The following MAPK9 variants were observed in gnomAD, a reference collection of about 807,000 sequenced individuals.
The protein encoded by MAPK9 is mitogen-activated protein kinase 9.
Under a neutral mutation model 57.1 loss-of-function variants are expected in MAPK9, and 30 were observed. The ratio of observed to expected loss-of-function variants is 0.53; its 90% CI spans 0.39 to 0.71. The LOEUF (loss-of-function observed/expected upper bound fraction) is 0.71. MAPK9 is among the 30% of genes least tolerant of loss of function. The pLI is 0.00. For synonymous variants in MAPK9, 155 were observed against 177.0 expected (o/e 0.88, Z 0.99); for missense variants, 362 against 521.0 (o/e 0.69, Z 2.97).
chr5:180,255,493 G>C (rs6874413), intron 5 of MAPK9, among the ~76,000 whole-genome samples: 55,510 of 151,834 alleles, frequency 0.37, 10,455 homozygotes, highest in Non-Finnish European at 0.41. Flanking sequence ...CATGTGCTGA[G>C]AGAAAATTCA....
intron 1 of MAPK9, among the ~76,000 whole-genome samples, chr5:180,283,674 AC>A (rs1353944841): frequency 6.6e-6 from 1 of 152,252 alleles, no homozygotes; most frequent in Non-Finnish European, 1.5e-5. Flanking sequence ...GGTGGCTCAC[AC>A]CTGTAATCCC....
intron 1 of MAPK9, among the ~76,000 whole-genome samples, chr5:180,287,427 A>G (rs1312178517): frequency 6.6e-6 from 1 of 152,236 alleles, no homozygotes; most frequent in African/African-American, 2.4e-5. Flanking sequence ...AAGAAAAAAG[A>G]GAGATTTGTT....
chr5:180,290,243 T>C (rs912644078), intron 1 of MAPK9, among the ~76,000 whole-genome samples: 3 of 152,196 alleles, frequency 2.0e-5, no homozygotes, highest in African/African-American at 7.2e-5. Flanking sequence ...CACCTGGCCC[T>C]CCAGACTGAT....
chr5:180,279,270 T>C (rs1248875782), intron 2 of MAPK9, among the ~76,000 whole-genome samples: 1 of 152,198 alleles, frequency 6.6e-6, no homozygotes, highest in Non-Finnish European at 1.5e-5. Context: ...TTAACACTTC[T>C]TCTGGCACAC....
intron 1 of MAPK9, among the ~76,000 whole-genome samples, chr5:180,282,376 A>G (rs1378115825): frequency 6.6e-6 from 1 of 152,200 alleles, no homozygotes; most frequent in Non-Finnish European, 1.5e-5. Context: ...AACAACATGT[A>G]CTTCACTATT....
intron 1 of MAPK9, among the ~76,000 whole-genome samples, chr5:180,291,387 T>A (rs1004698475): frequency 6.6e-6 from 1 of 152,144 alleles, no homozygotes. Flanking sequence ...CTTCCACAGA[T>A]GCACACCGGG....
intron 5 of MAPK9, among the ~76,000 whole-genome samples, chr5:180,254,450 AT>A (rs1370809865): frequency 6.6e-6 from 1 of 152,226 alleles, no homozygotes; most frequent in Non-Finnish European, 1.5e-5. Flanking sequence ...CAAGAACAGA[AT>A]GCTGTAAAAA....
At chr5:180,263,646 C>T (rs1430443466) in intron 4 of MAPK9, among the ~76,000 whole-genome samples, 1 of 151,892 alleles carries the variant, frequency 6.6e-6, no homozygotes, top group Non-Finnish European at 1.5e-5. Context: ...CTGTCCTGAG[C>T]GCTGTCTGTT....
chr5:180,267,524 T>C (rs915967062), intron 3 of MAPK9, among the ~76,000 whole-genome samples: 29 of 136,680 alleles, frequency 2.1e-4, no homozygotes, highest in South Asian at 1.8e-3. Flanking sequence ...ATCGCGCCAC[T>C]GCCCTCCAGG....
At chr5:180,243,785 C>T (rs1275211452) in intron 7 of MAPK9, among the ~76,000 whole-genome samples, 1 of 152,158 alleles carries the variant, frequency 6.6e-6, no homozygotes, top group African/African-American at 2.4e-5. Flanking sequence ...AGAATTATGC[C>T]CACATTTTAT....
chr5:180,244,617 T>C (rs1259455188), intron 7 of MAPK9, among the ~76,000 whole-genome samples: 1 of 151,452 alleles, frequency 6.6e-6, no homozygotes, highest in Non-Finnish European at 1.5e-5. Flanking sequence ...CTACTAAAAA[T>C]ACAAAAATTA....
chr5:180,259,841 C>T (rs527934875), intron 5 of MAPK9, among the ~76,000 whole-genome samples: 2 of 152,282 alleles, frequency 1.3e-5, no homozygotes, highest in African/African-American at 4.8e-5. Context: ...TGTGGCAAAG[C>T]CTTTAGATAT....
chr5:180,251,563 G>A (rs998057395), intron 5 of MAPK9, among the ~76,000 whole-genome samples: 3 of 152,142 alleles, frequency 2.0e-5, no homozygotes, highest in Non-Finnish European at 4.4e-5. Context: ...GGCTAAGGAG[G>A]TGCTCTCCCC....
intron 9 of MAPK9, 88 bp from the exon 10 acceptor site, chr5:180,240,075 T>C: frequency 1.1e-6 from 1 of 941,776 alleles, no homozygotes; most frequent in Non-Finnish European, 1.7e-6. Flanking sequence ...GGAAGACTTC[T>C]AGTCTATTTA....
chr5:180,265,019 A>G (rs572996727), intron 3 of MAPK9, among the ~76,000 whole-genome samples, 180 bp from the exon 4 acceptor site: 1 of 152,246 alleles, frequency 6.6e-6, no homozygotes, highest in African/African-American at 2.4e-5. Context: ...ATTAAAGGAA[A>G]GATGCACTTT....
In MAPK9 at chr5:180,291,977, C is replaced by A; in HGVS notation, c.-177G>T. 9.6e-6 allele frequency: 1 copy of A among 104,706 alleles called. No individual in the cohort carries two copies. The highest frequency in any genetic ancestry group is 2.2e-5 in the Non-Finnish European group (1 of 44,816). The allele number at this position is 104,706 out of a possible 1,614,324, so 6.5% of individuals were successfully genotyped here. A position where few individuals can be genotyped will look rare whatever the true frequency, so the allele number is the denominator to read the frequency against. ...CGCCCCGCTCCGCTCCGCCCCGCCG[C>A]CGCCGCCGCCGCCGCCGCCGCAGTG... On this transcript the variant is annotated 5_prime_UTR_variant, in exon 1 of 12. Coordinates refer to ENST00000452135, the MANE Select transcript of MAPK9 (RefSeq NM_002752.5).
At chr5:180,245,839 A>G (rs1488263855) in intron 7 of MAPK9, among the ~76,000 whole-genome samples, 1 of 152,148 alleles carries the variant, frequency 6.6e-6, no homozygotes, top group Non-Finnish European at 1.5e-5. Context: ...TCGCAAATTA[A>G]AGCAAATCTC....
intron 7 of MAPK9, among the ~76,000 whole-genome samples, chr5:180,243,933 C>G (rs946010585): frequency 2.0e-5 from 3 of 152,144 alleles, no homozygotes; most frequent in African/African-American, 7.2e-5. Flanking sequence ...CTGCAACCTC[C>G]ACCTCCCGGG....
intron 5 of MAPK9, among the ~76,000 whole-genome samples, chr5:180,256,135 C>T (rs1347555406): frequency 1.3e-5 from 2 of 152,112 alleles, no homozygotes; most frequent in Non-Finnish European, 2.9e-5. Flanking sequence ...CTCTCACTGG[C>T]CATCTCCAGG....
Sources: gnomAD v4.1 joint callset for allele counts (sites outside exome capture counted in the v4.1 genomes callset) on GRCh38, gnomAD v4.1.1 for gene constraint, MANE v1.5 for transcripts, NCBI Gene and HGNC (gene_info 2026-07-23, HGNC 2026-07-21) for gene names.